TXLNB: variants seen among roughly 807,000 people sequenced by gnomAD.
TXLNB encodes the protein beta-taxilin.
A neutral mutation model predicts 57.4 loss-of-function variants in TXLNB; 37 were observed. The ratio of observed to expected loss-of-function variants is 0.64; its 90% CI spans 0.50 to 0.85. TXLNB has a LOEUF of 0.85. Ranked by LOEUF, TXLNB falls within the 40% of genes least tolerant of loss-of-function variation. TXLNB has a pLI of 0.00. For missense variants in TXLNB, 848 were observed against 825.6 expected, an observed-to-expected ratio of 1.03 and a Z score of -0.33; for synonymous variants, 302 against 309.6, an observed-to-expected ratio of 0.98 and a Z score of 0.26.
At chr6:139,201,765 T>G in the TXLNB span, 1 of 152,248 alleles carries the variant, frequency 6.6e-6, no homozygotes, top group Non-Finnish European at 1.5e-5. Flanking sequence ...TTGGTTGGTT[T>G]GTCTGTATTT....
At chr6:139,309,366 A>G in the TXLNB span, among the ~76,000 whole-genome samples, 3 of 152,190 alleles carry the variant, frequency 2.0e-5, no homozygotes, top group Non-Finnish European at 1.5e-5. Flanking sequence ...CTTGTTTGCA[A>G]TAAGATTTCT....
chr6:139,243,443 G>A, intron 9 of TXLNB, 129 bp from the exon 10 acceptor site: 1 of 942,688 alleles, frequency 1.1e-6, no homozygotes, highest in Non-Finnish European at 1.5e-6. Context: ...TCTGGGACCT[G>A]GCTACAGAGT....
At chr6:139,163,645 C>T in the TXLNB span, among the ~76,000 whole-genome samples, 8 of 152,262 alleles carry the variant, frequency 5.3e-5, no homozygotes, top group Middle Eastern at 3.4e-3. Flanking sequence ...TGAGCCACTG[C>T]GCTGTCCCCT....
chr6:139,236,644 A>C (rs1447339083), downstream of TXLNB, among the ~76,000 whole-genome samples: 1 of 152,010 alleles, frequency 6.6e-6, no homozygotes, highest in African/African-American at 2.4e-5. Context: ...TTCCTTTATA[A>C]ATTACTCAGT....
At chr6:139,233,202 T>G in the TXLNB span, among the ~76,000 whole-genome samples, 4 of 151,850 alleles carry the variant, frequency 2.6e-5, no homozygotes, top group South Asian at 8.3e-4. Context: ...TAAAAACACA[T>G]TCAAATAATT....
At chr6:139,273,830 A>G (rs1484212781) in intron 3 of TXLNB, among the ~76,000 whole-genome samples, 3 of 152,218 alleles carry the variant, frequency 2.0e-5, no homozygotes, top group Non-Finnish European at 4.4e-5. Flanking sequence ...TTAAATTATT[A>G]ACAAAGTAAT....
the TXLNB span, among the ~76,000 whole-genome samples, chr6:139,297,954 G>A: frequency 6.6e-6 from 1 of 152,096 alleles, no homozygotes; most frequent in Admixed American, 6.5e-5. Flanking sequence ...CATCACCTTT[G>A]TCTTTCTAAA....
chr6:139,169,262 TTTTATATATAATAAA>T, the TXLNB span, among the ~76,000 whole-genome samples: 4 of 151,964 alleles, frequency 2.6e-5, no homozygotes, highest in African/African-American at 4.8e-5. Context: ...AACTCCTTTA[TTTTATATATAATAAA>T]GGATATATAA....
the TXLNB span, among the ~76,000 whole-genome samples, chr6:139,185,316 A>G: frequency 7.2e-5 from 11 of 152,232 alleles, no homozygotes; most frequent in Non-Finnish European, 2.9e-5. Context: ...AAACACTGGC[A>G]GTAGCATATG....
chr6:139,223,457 T>C, the TXLNB span, among the ~76,000 whole-genome samples: 1 of 151,756 alleles, frequency 6.6e-6, no homozygotes, highest in Non-Finnish European at 1.5e-5. Context: ...AAATGTACAA[T>C]AGAGAAAATA....
At chr6:139,270,765 G>T (rs1776741881) in intron 3 of TXLNB, 139 bp from the exon 4 acceptor site, 4 of 715,268 alleles carry the variant, frequency 5.6e-6, no homozygotes, top group Non-Finnish European at 9.4e-6. Flanking sequence ...GGAAGTAAAT[G>T]AAATTCACAA....
the TXLNB span, among the ~76,000 whole-genome samples, chr6:139,172,904 G>A: frequency 6.6e-6 from 1 of 152,090 alleles, no homozygotes; most frequent in African/African-American, 2.4e-5. Flanking sequence ...CCATACCCTC[G>A]GTTAACTCTT....
the TXLNB span, among the ~76,000 whole-genome samples, chr6:139,161,846 C>G: frequency 2.4e-4 from 36 of 152,202 alleles, no homozygotes; most frequent in Non-Finnish European, 4.9e-4. Context: ...ATAAAAACAA[C>G]TACACTTAAT....
Position 139,242,546 on chromosome 6 carries a change from T to C in TXLNB, c.2035A>G (p.Asn679Asp). 3.3e-6 allele frequency: 5 copies of C among 1,503,836 alleles called. No homozygotes were observed. Among genetic ancestry groups the C allele is most frequent in the Non-Finnish European group, 4.4e-6 (5 of 1,128,246 alleles). The allele number at this position is 1,503,836 out of a possible 1,614,324, so 93.2% of individuals were successfully genotyped here. A position where few individuals can be genotyped will look rare whatever the true frequency, so the allele number is the denominator to read the frequency against. ...GPQPRNVADT[N>D]LEGVD is the part of the protein sequence containing the mutation. ...GAGGCTTAGTCGACGCCTTCCAGATTGGTGTCAGCCACGTTGCGCGGCTGG... is the reference window on the plus strand; with the variant it reads ...GAGGCTTAGTCGACGCCTTCCAGATCGGTGTCAGCCACGTTGCGCGGCTGG... Residue 679 changes from asparagine (N) to aspartate (D), a missense_variant, in exon 10 of 10, where the codon AAT becomes GAT. Asn to Asp is a conservative substitution (Grantham distance 23). Transcript: ENST00000358430.
chr6:139,196,806 T>C, the TXLNB span, among the ~76,000 whole-genome samples: 8 of 152,312 alleles, frequency 5.3e-5, no homozygotes, highest in East Asian at 5.8e-4. Context: ...AAAACACTCA[T>C]TGAGTTCTAT....
At chr6:139,307,902 CTGAT>C in the TXLNB span, among the ~76,000 whole-genome samples, 4 of 152,058 alleles carry the variant, frequency 2.6e-5, no homozygotes, top group Non-Finnish European at 5.9e-5. Flanking sequence ...AAATTTGCTC[CTGAT>C]TAATTAAAAC....
At chr6:139,305,159 C>T in the TXLNB span, among the ~76,000 whole-genome samples, 1 of 152,160 alleles carries the variant, frequency 6.6e-6, no homozygotes, top group Admixed American at 6.5e-5. Context: ...CAAAAGCCTT[C>T]TCCTTGTTCA....
At chr6:139,181,608 C>T in the TXLNB span, among the ~76,000 whole-genome samples, 2 of 152,152 alleles carry the variant, frequency 1.3e-5, no homozygotes. Flanking sequence ...TATATTATTA[C>T]TAGTCATTGT....
the TXLNB span, chr6:139,170,053 C>T: frequency 1.3e-5 from 2 of 152,170 alleles, no homozygotes; most frequent in Non-Finnish European, 2.9e-5. Flanking sequence ...TTGAAATAAC[C>T]TCATTGTTTC....
Sources: allele counts gnomAD v4.1 joint callset (sites outside exome capture counted in the v4.1 genomes callset), GRCh38; gene constraint gnomAD v4.1.1; transcripts MANE v1.5; gene names NCBI Gene and HGNC (gene_info 2026-07-23, HGNC 2026-07-21).